BMPR1B: variants seen among roughly 807,000 people sequenced by gnomAD.
BMPR1B encodes the protein bone morphogenetic protein receptor type 1B, also known as bone morphogenetic protein receptor type-1B.
Under a neutral mutation model 59.1 loss-of-function variants are expected in BMPR1B, and 12 were observed. The ratio of observed to expected loss-of-function variants is 0.20; its 90% CI spans 0.13 to 0.33. BMPR1B has a LOEUF of 0.33. Ranked by LOEUF, BMPR1B falls within the 10% of genes least tolerant of loss-of-function variation. The probability of loss-of-function intolerance (pLI) is 1.00; values close to 1 mark genes in which losing one functional copy is unlikely to be tolerated. For missense variants in BMPR1B, 550 were observed against 610.9 expected, an observed-to-expected ratio of 0.90 and a Z score of 1.05; for synonymous variants, 237 against 207.3, an observed-to-expected ratio of 1.14 and a Z score of -1.23.
chr4:94,884,323 C>T (rs751290178), intron 2 of BMPR1B, among the ~76,000 whole-genome samples: 1 of 151,998 alleles, frequency 6.6e-6, no homozygotes, highest in East Asian at 1.9e-4. Flanking sequence ...GTTAGGAGTT[C>T]GAAACCCGCC....
At chr4:94,995,297 T>C (rs1356793551) in intron 2 of BMPR1B, among the ~76,000 whole-genome samples, 1 of 152,214 alleles carries the variant, frequency 6.6e-6, no homozygotes, top group African/African-American at 2.4e-5. Flanking sequence ...GGTTATATTT[T>C]AGCATCTTTC....
chr4:94,788,880 C>T (rs1722854095), intron 1 of BMPR1B, among the ~76,000 whole-genome samples: 1 of 152,198 alleles, frequency 6.6e-6, no homozygotes, highest in Admixed American at 6.5e-5. Context: ...TTCGGCATGG[C>T]CCCAGGATAT....
chr4:94,916,435 G>A (rs550777224), intron 2 of BMPR1B, among the ~76,000 whole-genome samples: 1 of 152,336 alleles, frequency 6.6e-6, no homozygotes, highest in Admixed American at 6.5e-5. Context: ...CAAAGGTCAT[G>A]TGTGTTATGC....
At chr4:94,944,851 A>G in intron 2 of BMPR1B, among the ~76,000 whole-genome samples, 1 of 152,222 alleles carries the variant, frequency 6.6e-6, no homozygotes, top group East Asian at 1.9e-4. Context: ...TATGGGACAC[A>G]TAATAGATTC....
intron 3 of BMPR1B, among the ~76,000 whole-genome samples, chr4:95,024,817 A>G (rs1385208553): frequency 6.6e-6 from 1 of 152,156 alleles, no homozygotes. Flanking sequence ...AAATGAAAAT[A>G]AAAGGCTGGG....
intron 1 of BMPR1B, among the ~76,000 whole-genome samples, chr4:94,833,886 C>T (rs577731446): frequency 1.2e-4 from 19 of 152,036 alleles, no homozygotes; most frequent in Non-Finnish European, 2.6e-4. Context: ...GTACAGGTAC[C>T]AGGTAATCCT....
At chr4:94,764,697 C>G (rs1156229203) in intron 1 of BMPR1B, among the ~76,000 whole-genome samples, 3 of 152,114 alleles carry the variant, frequency 2.0e-5, no homozygotes, top group Admixed American at 2.0e-4. Context: ...TCCATGAAAC[C>G]TAAATTCTTA....
At chr4:95,106,622 A>G (rs1363470936) in intron 4 of BMPR1B, among the ~76,000 whole-genome samples, 2 of 152,046 alleles carry the variant, frequency 1.3e-5, no homozygotes, top group African/African-American at 4.8e-5. Flanking sequence ...AAAAGAACCA[A>G]GTTCCAATCT....
chr4:94,795,925 G>A (rs1254955744), intron 1 of BMPR1B, among the ~76,000 whole-genome samples: 4 of 151,790 alleles, frequency 2.6e-5, no homozygotes, highest in African/African-American at 7.3e-5. Context: ...GCATAGAGAC[G>A]GTCAGCAAAT....
intron 3 of BMPR1B, among the ~76,000 whole-genome samples, chr4:95,040,807 T>C (rs552906234): frequency 2.5e-4 from 38 of 152,322 alleles, no homozygotes; most frequent in Non-Finnish European, 4.4e-4. Flanking sequence ...AAAGTTCTCT[T>C]GGTGTGAAGA....
At chr4:94,890,589 G>A (rs1307649801) in intron 2 of BMPR1B, among the ~76,000 whole-genome samples, 1 of 152,124 alleles carries the variant, frequency 6.6e-6, no homozygotes, top group Non-Finnish European at 1.5e-5. Flanking sequence ...ATACTTTAGA[G>A]TGGGTGGCTT....
chr4:95,117,771 A>T (rs1732179862), intron 6 of BMPR1B, among the ~76,000 whole-genome samples: 1 of 152,092 alleles, frequency 6.6e-6, no homozygotes, highest in African/African-American at 2.4e-5. Context: ...GGGTGGCAGA[A>T]TGAGACACTC....
At chr4:94,907,491 T>G (rs1404026623) in intron 2 of BMPR1B, among the ~76,000 whole-genome samples, 1 of 152,068 alleles carries the variant, frequency 6.6e-6, no homozygotes, top group Non-Finnish European at 1.5e-5. Flanking sequence ...CCTGTGCATA[T>G]GCTCGGTCCT....
At chr4:94,867,490 T>G (rs916327787) in intron 1 of BMPR1B, among the ~76,000 whole-genome samples, 1 of 152,222 alleles carries the variant, frequency 6.6e-6, no homozygotes, top group Non-Finnish European at 1.5e-5. Context: ...TTCTGAGTTC[T>G]TCTACTCCTC....
intron 2 of BMPR1B, among the ~76,000 whole-genome samples, chr4:94,993,467 T>C (rs1278930672): frequency 6.6e-6 from 1 of 152,044 alleles, no homozygotes; most frequent in Non-Finnish European, 1.5e-5. Flanking sequence ...TGTATTGCAG[T>C]ATGACAGGGT....
At chr4:94,818,419 T>C (rs146583301) in intron 1 of BMPR1B, among the ~76,000 whole-genome samples, 2 of 152,352 alleles carry the variant, frequency 1.3e-5, no homozygotes, top group Non-Finnish European at 2.9e-5. Context: ...AGTATCTTTC[T>C]GAGGGTTACA....
Position 94,808,049 on chromosome 4 carries a change from T to C in BMPR1B, c.-183+49981T>C, listed in dbSNP as rs573553433. ...TTCCAGTGCAACATTGTACTTAAAA[T>C]ATTTATAAATTGTAAATCTCTATTT... On this transcript the variant is annotated intron_variant, in intron 1 of 12. Transcript: ENST00000515059. Among the ~76,000 whole-genome samples the C allele has an allele frequency of 2.0e-5, 3 of 152,322 alleles. No individual in the cohort carries two copies. In the East Asian group the frequency reaches 5.8e-4, roughly 29 times the overall value.
At chr4:94,777,762 A>G (rs1460996817) in intron 1 of BMPR1B, among the ~76,000 whole-genome samples, 1 of 152,076 alleles carries the variant, frequency 6.6e-6, no homozygotes, top group African/African-American at 2.4e-5. Context: ...GTGGTGTCTC[A>G]CGTCTGTAAT....
At chr4:94,899,320 G>A (rs1301985153) in intron 2 of BMPR1B, among the ~76,000 whole-genome samples, 2 of 151,184 alleles carry the variant, frequency 1.3e-5, no homozygotes, top group Non-Finnish European at 2.9e-5. Context: ...ACAGGTACCA[G>A]CCATTAGGAC....
Sources: allele counts gnomAD v4.1 joint callset (sites outside exome capture counted in the v4.1 genomes callset), GRCh38; gene constraint gnomAD v4.1.1; transcripts MANE v1.5; gene names NCBI Gene and HGNC (gene_info 2026-07-23, HGNC 2026-07-21).